STXBP6: variants seen among roughly 807,000 people sequenced by gnomAD.
STXBP6 encodes syntaxin-binding protein 6.
STXBP6 carries 21 observed loss-of-function variants against 26.9 expected under a neutral mutation model. The observed-to-expected ratio is 0.78, with a 90% CI of 0.55 to 1.12. The LOEUF is 1.12. Ranked by LOEUF, STXBP6 falls within the 50% of genes most tolerant of loss-of-function variation. The pLI is 0.00. For synonymous variants in STXBP6, 97 were observed against 92.6 expected, an observed-to-expected ratio of 1.05 and a Z score of -0.27; for missense variants, 232 against 257.9, an observed-to-expected ratio of 0.90 and a Z score of 0.69.
At chr14:24,860,508 C>T (rs532965547) in intron 2 of STXBP6, among the ~76,000 whole-genome samples, 1 of 152,226 alleles carries the variant, frequency 6.6e-6, no homozygotes, top group East Asian at 1.9e-4. Context: ...CACTGTTACA[C>T]CTACACTCTC....
At chr14:24,951,516 T>C (rs1454539366) in intron 2 of STXBP6, among the ~76,000 whole-genome samples, 1 of 152,320 alleles carries the variant, frequency 6.6e-6, no homozygotes, top group African/African-American at 2.4e-5. Context: ...AGCATAAATG[T>C]CTTCTTTTGA....
chr14:24,923,575 C>G (rs2072058757), intron 2 of STXBP6, among the ~76,000 whole-genome samples: 1 of 152,024 alleles, frequency 6.6e-6, no homozygotes, highest in Non-Finnish European at 1.5e-5. Context: ...TATTAGAGCT[C>G]CCATTGCTCT....
At chr14:24,826,615 G>A (rs572944696) in intron 4 of STXBP6, among the ~76,000 whole-genome samples, 6 of 151,994 alleles carry the variant, frequency 3.9e-5, no homozygotes, top group East Asian at 1.9e-4. Context: ...ATGACCTATC[G>A]AGTCCATTGC....
intron 1 of STXBP6, among the ~76,000 whole-genome samples, chr14:24,991,863 C>G (rs755563790): frequency 1.3e-5 from 2 of 152,342 alleles, no homozygotes; most frequent in Admixed American, 6.5e-5. Context: ...AGACGGCCCA[C>G]CAAGCCTCAC....
At chr14:25,002,063 C>G (rs1284738654) in intron 1 of STXBP6, among the ~76,000 whole-genome samples, 1 of 152,152 alleles carries the variant, frequency 6.6e-6, no homozygotes, top group Admixed American at 6.5e-5. Context: ...CAACACCAGT[C>G]AAGGTTAGAA....
chr14:25,021,691 T>C (rs1162959570), intron 1 of STXBP6, among the ~76,000 whole-genome samples: 2 of 152,190 alleles, frequency 1.3e-5, no homozygotes, highest in Non-Finnish European at 2.9e-5. Context: ...TCCTTTCTAC[T>C]GCCATGGCTC....
Position 25,049,170 on chromosome 14 carries a change from C to T in STXBP6, c.-33+708G>A. 1.0e-6 allele frequency: 1 copy of T among 985,504 alleles called. No individual in the cohort carries two copies. The highest frequency in any genetic ancestry group is 1.2e-6 in the Non-Finnish European group (1 of 830,028). The allele number at this position is 985,504 out of a possible 1,614,324, so 61.0% of individuals were successfully genotyped here. On this transcript the variant is annotated intron_variant, in intron 1 of 5. Coordinates refer to ENST00000323944, the MANE Select transcript of STXBP6 (RefSeq NM_001394410.1). This position sits in a 1 kb window ranked among gnomAD's most constrained non-coding sequence, Gnocchi z 5.6. ...TGGTGAGGTGGCGGGGTGTTGTAAA[C>T]CTGAGGAAAGGTTGGAGGGAAAATC...
At chr14:24,999,990 G>A (rs190318937) in intron 1 of STXBP6, among the ~76,000 whole-genome samples, 16 of 152,170 alleles carry the variant, frequency 1.1e-4, no homozygotes, top group East Asian at 1.9e-4. Flanking sequence ...GAGTTTTTCC[G>A]CTTATAATCC....
At chr14:24,818,094 T>C (rs1013285771) in intron 5 of STXBP6, 1 of 456,620 alleles carries the variant, frequency 2.2e-6, no homozygotes, top group Non-Finnish European at 4.4e-6. Context: ...AGTTATTTTC[T>C]TCCCCGAAAG....
chr14:24,844,084 A>C (rs1034792165), intron 4 of STXBP6, among the ~76,000 whole-genome samples: 2 of 152,158 alleles, frequency 1.3e-5, no homozygotes, highest in South Asian at 2.1e-4. Flanking sequence ...TGACTTAATC[A>C]ATCATAATTA....
At chr14:24,814,108 T>A (rs768550797) in intron 5 of STXBP6, among the ~76,000 whole-genome samples, 13 of 152,136 alleles carry the variant, frequency 8.5e-5, no homozygotes, top group Non-Finnish European at 1.8e-4. Context: ...AGACACAGGG[T>A]TTGGGAAGTT....
At chr14:24,924,516 G>A (rs2072093396) in intron 2 of STXBP6, among the ~76,000 whole-genome samples, 1 of 152,130 alleles carries the variant, frequency 6.6e-6, no homozygotes, top group Admixed American at 6.5e-5. Context: ...TGCAAAGGGA[G>A]TAGTAAGGAA....
intron 2 of STXBP6, among the ~76,000 whole-genome samples, chr14:24,881,156 G>T: frequency 6.6e-6 from 1 of 151,812 alleles, no homozygotes. Flanking sequence ...CAGAACAGTG[G>T]GAACTTTGGG....
At chr14:25,008,201 G>C (rs906344790) in intron 1 of STXBP6, among the ~76,000 whole-genome samples, 5 of 152,140 alleles carry the variant, frequency 3.3e-5, no homozygotes, top group African/African-American at 1.2e-4. Flanking sequence ...TTTTTTTTAA[G>C]TTTTAAAAGT....
At chr14:24,890,813 A>G (rs1244360569) in intron 2 of STXBP6, among the ~76,000 whole-genome samples, 1 of 152,220 alleles carries the variant, frequency 6.6e-6, no homozygotes, top group Non-Finnish European at 1.5e-5. Flanking sequence ...CTTCAGAGGG[A>G]GCAGTGCTAT....
chr14:24,971,092 C>T (rs1270966778), intron 2 of STXBP6, among the ~76,000 whole-genome samples: 1 of 152,034 alleles, frequency 6.6e-6, no homozygotes, highest in Admixed American at 6.5e-5. Flanking sequence ...CCTAAATAAC[C>T]CAAGAAAGAT....
At chr14:24,866,604 A>G (rs12885468) in intron 2 of STXBP6, among the ~76,000 whole-genome samples, 24,625 of 151,990 alleles carry the variant, frequency 0.16, 2,354 homozygotes, top group Non-Finnish European at 0.23. Context: ...AGACTTGTAC[A>G]CTGAAAACTA....
At chr14:24,981,233 T>C (rs1252589340) in intron 1 of STXBP6, among the ~76,000 whole-genome samples, 1 of 152,226 alleles carries the variant, frequency 6.6e-6, no homozygotes, top group East Asian at 1.9e-4. Flanking sequence ...CTTCCAAAGT[T>C]TGCTTCAAAA....
At chr14:24,915,494 A>G (rs949292733) in intron 2 of STXBP6, among the ~76,000 whole-genome samples, 3 of 152,170 alleles carry the variant, frequency 2.0e-5, no homozygotes, top group African/African-American at 7.2e-5. Flanking sequence ...GTTCTTACTT[A>G]GCAAAAATAA....
Sources: gnomAD v4.1 joint callset for allele counts (sites outside exome capture counted in the v4.1 genomes callset) on GRCh38, gnomAD v4.1.1 for gene constraint, Gnocchi (gnomAD v3.1) non-coding constraint, MANE v1.5 for transcripts, NCBI Gene and HGNC (gene_info 2026-07-23, HGNC 2026-07-21) for gene names.